The following ROBO2 variants were observed in gnomAD, a reference collection of about 807,000 sequenced individuals.
ROBO2 encodes the protein roundabout guidance receptor 2, also known as roundabout homolog 2.
In ROBO2, 53 loss-of-function variants were observed where a neutral mutation model predicts 160.8. The ratio of observed to expected loss-of-function variants is 0.33; its 90% confidence interval spans 0.26 to 0.41. ROBO2 has a LOEUF of 0.41. ROBO2 is among the 10% of genes least tolerant of loss of function. The pLI is 1.00. For missense variants in ROBO2, 1,577 were observed against 1,722.4 expected (o/e 0.92, Z 1.49); for synonymous variants, 664 against 611.7 (o/e 1.09, Z -1.26).
In ROBO2 at chr3:76,717,619, T is replaced by A. The variant is rs370506794; in HGVS notation, c.110-380395T>A. Among the ~76,000 whole-genome samples, 4 of 152,304 alleles carry A rather than the reference T, an allele frequency of 2.6e-5. No individual in the cohort carries two copies. The East Asian group carries it at 7.7e-4, about 29-fold the overall frequency. On this transcript the variant is annotated intron_variant, in intron 2 of 26. Coordinates refer to the ROBO2 transcript ENST00000487694. ...TGAGTTTGGTGCTTCAGGTAGGCGA[T>A]CAAACTGAATATATCAGTTTTATTT...
chr3:77,243,446 T>C (rs2089309401), intron 2 of ROBO2, among the ~76,000 whole-genome samples: 1 of 152,186 alleles, frequency 6.6e-6, no homozygotes, highest in African/African-American at 2.4e-5. Flanking sequence ...GGAGGAGTCC[T>C]TACCAGGAGA....
intron 2 of ROBO2, among the ~76,000 whole-genome samples, chr3:77,171,419 G>T (rs2079621220): frequency 6.6e-6 from 1 of 152,062 alleles, no homozygotes; most frequent in African/African-American, 2.4e-5. Flanking sequence ...AGAATTGTTG[G>T]CATTCTTTCT....
intron 16 of ROBO2, among the ~76,000 whole-genome samples, chr3:77,585,001 A>G (rs1481869677): frequency 2.7e-5 from 4 of 150,170 alleles, no homozygotes; most frequent in South Asian, 4.2e-4. Flanking sequence ...ACTGGCATAT[A>G]TATGCCAGAA....
intron 2 of ROBO2, among the ~76,000 whole-genome samples, chr3:77,221,854 C>CTTTTTTTTTTTTTTTTTTTTTTCT (rs5850317): frequency 7.1e-6 from 1 of 140,286 alleles, no homozygotes; most frequent in Non-Finnish European, 1.5e-5. Flanking sequence ...TTTTCTTTTT[C>CTTTTTTTTTTTTTTTTTTTTTTCT]TTTTTTTTTT....
At chr3:76,818,939 G>T (rs914297160) in intron 2 of ROBO2, among the ~76,000 whole-genome samples, 1 of 151,882 alleles carries the variant, frequency 6.6e-6, no homozygotes, top group African/African-American at 2.4e-5. Context: ...TGGCTATGTG[G>T]GCTCTTTTTT....
At position 76,190,630 on chromosome 3, in the gene ROBO2, T is replaced by A. The variant is rs146664101; in HGVS notation, c.109+253028T>A. The stretch of plus-strand genomic sequence containing the variant: ...ACACCATGTTAATGTTTCTGTCTTA[T>A]TTAGCCTATATTTACACCTTGTAAA... On this transcript the variant is annotated intron_variant, in intron 2 of 26. Coordinates refer to the ROBO2 transcript ENST00000487694. 2.3e-3 allele frequency among the ~76,000 whole-genome samples: 349 copies of A among 152,262 alleles called. 1 individual carries two copies. Among genetic ancestry groups the A allele is most frequent in the African/African-American group, 8.2e-3 (339 of 41,572 alleles).
chr3:77,374,998 C>T (rs1244381623), intron 2 of ROBO2, among the ~76,000 whole-genome samples: 1 of 152,110 alleles, frequency 6.6e-6, no homozygotes, highest in Non-Finnish European at 1.5e-5. Flanking sequence ...TGCTTGAGGC[C>T]AGGAGTTTGA....
At chr3:76,145,485 T>C (rs2071850053) in intron 2 of ROBO2, among the ~76,000 whole-genome samples, 1 of 151,988 alleles carries the variant, frequency 6.6e-6, no homozygotes, top group Admixed American at 6.6e-5. Context: ...TATTCTCCAC[T>C]TTGTCTTGAT....
At chr3:76,528,814 T>G (rs1242170326) in intron 2 of ROBO2, among the ~76,000 whole-genome samples, 3 of 151,996 alleles carry the variant, frequency 2.0e-5, no homozygotes, top group Non-Finnish European at 4.4e-5. Flanking sequence ...TTTTACAGAT[T>G]ACGGAAATGA....
At position 76,272,946 on chromosome 3, in the gene ROBO2, A is replaced by ATATATATTT. The variant is rs1553693135; in HGVS notation, c.109+335344_109+335345insTATATATTT. Among the ~76,000 whole-genome samples the ATATATATTT allele has an allele frequency of 1.4e-4, 4 of 28,882 alleles. No homozygotes were observed. The Admixed American group carries it at 1.8e-3, about 13-fold the overall frequency. 18.9% of individuals were successfully genotyped at this position (28,882 alleles called of 152,430 possible). A position where few individuals can be genotyped will look rare whatever the true frequency, so the allele number is the denominator to read the frequency against. On this transcript the variant is annotated intron_variant, in intron 2 of 26. Coordinates refer to the ROBO2 transcript ENST00000487694. ...TATATATTTATATATAAATATATAA[A>ATATATATTT]ATATATAATATATATTTATATATAA...
At chr3:76,025,678 T>C (rs1490221353) in intron 2 of ROBO2, among the ~76,000 whole-genome samples, 3 of 151,780 alleles carry the variant, frequency 2.0e-5, no homozygotes, top group Non-Finnish European at 4.4e-5. Context: ...GATCACATTG[T>C]TGTAAAGAAA....
chr3:75,939,137 C>T (rs114870214), intron 2 of ROBO2, among the ~76,000 whole-genome samples: 10 of 151,232 alleles, frequency 6.6e-5, no homozygotes, highest in South Asian at 4.2e-4. Context: ...TGTAGACAGC[C>T]GCGTTGGGTT....
rs576198802 is a variant in ROBO2, at chr3:76,601,267, T to C, written c.110-496747T>C. Among the ~76,000 whole-genome samples the C allele has an allele frequency of 2.2e-4, 33 of 152,264 alleles. No homozygotes were observed. In the South Asian group the frequency reaches 6.8e-3, roughly 32 times the overall value. On this transcript the variant is annotated intron_variant, in intron 2 of 26. Coordinates refer to the ROBO2 transcript ENST00000487694. Reference sequence around the variant, plus strand: ...CAAGCTCTAAGTGGATCTACCGTTCTGGGGTCTGGAGGATGATGGCCCTCT... The same window carrying C: ...CAAGCTCTAAGTGGATCTACCGTTCCGGGGTCTGGAGGATGATGGCCCTCT...
intron 2 of ROBO2, among the ~76,000 whole-genome samples, chr3:77,001,313 T>A (rs778759996): frequency 6.6e-6 from 1 of 152,186 alleles, no homozygotes; most frequent in Non-Finnish European, 1.5e-5. Context: ...TACGGACTTA[T>A]TAACAGTTCA....
chr3:76,049,403 A>ATATATATATATATATTTTTTTTTTT (rs1414664360), intron 2 of ROBO2, among the ~76,000 whole-genome samples: 1 of 53,758 alleles, frequency 1.9e-5, no homozygotes, highest in African/African-American at 1.5e-4. Flanking sequence ...ATATATATAT[A>ATATATATATATATATTTTTTTTTTT]TTTTTTTTTT....
At chr3:76,932,908 C>CCGAGAAGTCTATT (rs1416596311) in intron 2 of ROBO2, among the ~76,000 whole-genome samples, 1 of 151,874 alleles carries the variant, frequency 6.6e-6, no homozygotes, top group East Asian at 1.9e-4. Context: ...CGCCCCGGCC[C>CCGAGAAGTCTATT]CGAGAAGTCT....
intron 2 of ROBO2, among the ~76,000 whole-genome samples, chr3:76,900,189 C>T (rs1005693256): frequency 1.3e-5 from 2 of 152,038 alleles, no homozygotes; most frequent in East Asian, 1.9e-4. Context: ...GGGAAAGATC[C>T]GCCCCCATAA....
intron 2 of ROBO2, among the ~76,000 whole-genome samples, chr3:76,573,735 A>C (rs1022474996): frequency 6.6e-6 from 1 of 152,032 alleles, no homozygotes; most frequent in African/African-American, 2.4e-5. Flanking sequence ...AACTTTGCAC[A>C]GTTTCATAGG....
chr3:77,086,912 A>C (rs2069400236), intron 1 of ROBO2, among the ~76,000 whole-genome samples: 1 of 152,198 alleles, frequency 6.6e-6, no homozygotes, highest in South Asian at 2.1e-4. Context: ...ATCTCAATTT[A>C]ACTTTATTAT....
Sources: allele counts gnomAD v4.1 joint callset (sites outside exome capture counted in the v4.1 genomes callset), GRCh38; gene constraint gnomAD v4.1.1; transcripts MANE v1.5; gene names NCBI Gene and HGNC (gene_info 2026-07-23, HGNC 2026-07-21).